NCAPD2: variants seen among roughly 807,000 people sequenced by gnomAD.
NCAPD2 encodes the protein non-SMC condensin I complex subunit D2.
In NCAPD2, 100 loss-of-function variants were observed where a neutral mutation model predicts 164.5. That is an observed-to-expected ratio of 0.61 (90% CI 0.52 to 0.72). NCAPD2 has a LOEUF of 0.72. Among genes scored for constraint, NCAPD2 ranks in the 30% least tolerant of loss-of-function variants. The pLI, the probability that NCAPD2 is intolerant of heterozygous loss-of-function variation, is 0.00. For synonymous variants in NCAPD2, 585 were observed against 642.6 expected (o/e 0.91, Z 1.36); for missense variants, 1,560 against 1,749.2 (o/e 0.89, Z 1.93).
rs1424083804 is a variant in NCAPD2 at position 6,529,872 on chromosome 12, G to C, written c.3751G>C (p.Gly1251Arg). ...RKMLDNFDCF[G>R]DKLSDESIFS... ...GATGCTTGACAATTTTGACTGTTTT[G>C]GAGACAAACTGTCAGATGAGTCCAT... Residue 1251 changes from glycine to arginine, a missense_variant, in exon 29 of 32, where the codon GGA becomes CGA. Transcript: ENST00000315579. 8.1e-6 allele frequency: 13 copies of C among 1,614,260 alleles called. No individual in the cohort carries two copies. Among genetic ancestry groups the C allele is most frequent in the Non-Finnish European group, 1.1e-5 (13 of 1,180,042 alleles).
chr12:6,514,587 G>A lies in NCAPD2; in HGVS notation c.839G>A (p.Arg280Lys). ...GMKSIVGEIV[R>K]EIGQKCPQEL... is the part of the protein sequence containing the mutation. Reference sequence around the variant, plus strand: ...AAGAGCATAGTGGGAGAGATTGTAAGGTGACTCTTCCTTCTCGAAGTTTCT... The same window carrying A: ...AAGAGCATAGTGGGAGAGATTGTAAAGTGACTCTTCCTTCTCGAAGTTTCT... Residue 280 changes from arginine (R) to lysine (K), a missense_variant and splice_region_variant, in exon 8 of 32, where the codon AGA becomes AAA. Physicochemically the swap from Arg to Lys is conservative, Grantham distance 26. Transcript: ENST00000315579. 6.2e-7 allele frequency: 1 copy of A among 1,614,142 alleles called. No homozygotes were observed. Among genetic ancestry groups the A allele is most frequent in the African/African-American group, 1.3e-5 (1 of 75,046 alleles).
rs1055177418 is a variant in NCAPD2, at chr12:6,495,097, G to C, written c.-2G>C. On this transcript the variant is annotated 5_prime_UTR_variant, in exon 2 of 32. Transcript: ENST00000315579. ...CTAGCCCTGTGAGCCTGTAGGAGTA[G>C]AATGGCTCCCCAAATGTATGAGTTC... 1.2e-6 allele frequency: 2 copies of C among 1,613,952 alleles called. No homozygotes were observed. The highest frequency in any genetic ancestry group is 1.7e-6 in the Non-Finnish European group (2 of 1,179,986).
Position 6,514,857 on chromosome 12 carries a change from A to T in NCAPD2, c.924A>T (p.Ala308=), listed in dbSNP as rs1384183854. Residue 308 remains alanine, a synonymous_variant, in exon 9 of 32, where the codon GCA becomes GCT. Coordinates refer to ENST00000315579, the MANE Select transcript of NCAPD2 (RefSeq NM_014865.4). ...KGFAAFLTEL[A]ERVPAILMSS... is the part of the protein sequence containing the mutation. ...TTGCAGCATTCCTGACAGAACTAGC[A>T]GAACGTGTCCCAGCTATCCTGATGT... 1 of 1,614,252 alleles carries T rather than the reference A, an allele frequency of 6.2e-7. No homozygotes were observed. Among genetic ancestry groups the T allele is most frequent in the East Asian group, 2.2e-5 (1 of 44,890 alleles).
intron 2 of NCAPD2, among the ~76,000 whole-genome samples, chr12:6,506,411 A>G (rs1210184647): frequency 6.6e-6 from 1 of 151,658 alleles, no homozygotes; most frequent in East Asian, 1.9e-4. Context: ...ACACCGTGAA[A>G]CCCCGTCTCT....
At chr12:6,512,599 C>T (rs1008775923) in intron 6 of NCAPD2, among the ~76,000 whole-genome samples, 2 of 152,168 alleles carry the variant, frequency 1.3e-5, no homozygotes, top group Non-Finnish European at 2.9e-5. Flanking sequence ...TGTGGGCCAT[C>T]ATGGTGACTT....
Position 6,527,244 on chromosome 12 carries a change from C to A in NCAPD2, c.2907+181C>A, listed in dbSNP as rs114462555. 9.2e-3 allele frequency among the ~76,000 whole-genome samples: 1,403 copies of A among 152,182 alleles called. 19 individuals are homozygous for A. Among genetic ancestry groups the A allele is most frequent in the African/African-American group, 0.032 (1,344 of 41,506 alleles). ...CAATGACGAAACTGTCAGTGATCAC[C>A]CAGGAAGGAAAGATTTAGGTAAATG... is the stretch of plus-strand genomic sequence containing the variant. On this transcript the variant is annotated intron_variant, in intron 22 of 31. Transcript: ENST00000315579.
intron 2 of NCAPD2, among the ~76,000 whole-genome samples, chr12:6,502,660 A>C (rs1946048777): frequency 6.6e-6 from 1 of 152,078 alleles, no homozygotes; most frequent in Admixed American, 6.6e-5. Context: ...AAATTAAGAT[A>C]GATATAAGGC....
chr12:6,509,178 G>T (rs1378786917), intron 2 of NCAPD2, among the ~76,000 whole-genome samples: 1 of 151,974 alleles, frequency 6.6e-6, no homozygotes. Context: ...GCGTGGTACT[G>T]TCTGCTTTTG....
Position 6,499,277 on chromosome 12 carries a change from T to C in NCAPD2, c.127+4052T>C, listed in dbSNP as rs563446009. Among the ~76,000 whole-genome samples, 6 of 152,128 alleles carry C rather than the reference T, an allele frequency of 3.9e-5. No homozygotes were observed. In the East Asian group the frequency reaches 1.2e-3, roughly 29 times the overall value. On this transcript the variant is annotated intron_variant, in intron 2 of 31. Transcript: ENST00000315579. ...ACCAGGCTGGAGTGCAGTGGCTCAATCTCAGCCCACTGCAACCTTCACCTC... is the reference window on the plus strand; with the variant it reads ...ACCAGGCTGGAGTGCAGTGGCTCAACCTCAGCCCACTGCAACCTTCACCTC...
chr12:6,510,678 T>G lies in NCAPD2; in HGVS notation c.312T>G (p.Thr104=). 6 of 1,614,194 alleles carry G rather than the reference T, an allele frequency of 3.7e-6. No homozygotes were observed. Among genetic ancestry groups the G allele is most frequent in the Non-Finnish European group, 5.1e-6 (6 of 1,180,028 alleles). ...TTCCAGCTATCCTGGATGATACAAC[T>G]TTGAGTGGATCAGATAGAAACGCCC... ...QELPAILDDT[T]LSGSDRNAHL... The change falls in exon 5 of 32, where the codon ACT becomes ACG. Residue 104 remains threonine, a synonymous_variant. Coordinates refer to ENST00000315579, the MANE Select transcript of NCAPD2 (RefSeq NM_014865.4).
At chr12:6,523,607 C>T (rs568229630) in intron 17 of NCAPD2, among the ~76,000 whole-genome samples, 6 of 152,132 alleles carry the variant, frequency 3.9e-5, no homozygotes, top group South Asian at 2.1e-4. Context: ...CCATGTTGGC[C>T]GAGCTGGTCT....
At chr12:6,497,357 A>G (rs1416009404) in intron 2 of NCAPD2, among the ~76,000 whole-genome samples, 7 of 151,544 alleles carry the variant, frequency 4.6e-5, no homozygotes, top group Non-Finnish European at 4.4e-5. Flanking sequence ...TTACATAGGT[A>G]AACGTGCTGT....
Position 6,526,201 on chromosome 12 carries a change from G to A in NCAPD2, c.2481+1G>A, listed in dbSNP as rs112246694. On this transcript the variant is annotated splice_donor_variant, in intron 19 of 31. Transcript: ENST00000315579. LOFTEE classifies it high-confidence loss of function. ...TGCCAACATCTCGGACAGGAGAAAG[G>A]TATGTGGGGGTGGTTCCAAACTAAG... 1 of 1,614,170 alleles carries A rather than the reference G, an allele frequency of 6.2e-7. No individual in the cohort carries two copies. Among genetic ancestry groups the A allele is most frequent in the Non-Finnish European group, 8.5e-7 (1 of 1,180,030 alleles).
At position 6,529,866 on chromosome 12, in the gene NCAPD2, T is replaced by A; in HGVS notation, c.3745T>A (p.Cys1249Ser). The change falls in exon 29 of 32, where the codon TGT becomes AGT. Residue 1249 changes from cysteine (C) to serine (S), a missense_variant. Transcript: ENST00000315579. ...GLRKMLDNFD[C>S]FGDKLSDESI... Reference sequence around the variant, plus strand: ...CCGTAAGATGCTTGACAATTTTGACTGTTTTGGAGACAAACTGTCAGATGA... The same window carrying A: ...CCGTAAGATGCTTGACAATTTTGACAGTTTTGGAGACAAACTGTCAGATGA... 1 of 1,614,284 alleles carries A rather than the reference T, an allele frequency of 6.2e-7. No homozygotes were observed. The highest frequency in any genetic ancestry group is 8.5e-7 in the Non-Finnish European group (1 of 1,180,052).
chr12:6,499,872 G>C (rs536806225), intron 2 of NCAPD2, among the ~76,000 whole-genome samples: 36 of 152,042 alleles, frequency 2.4e-4, no homozygotes, highest in Non-Finnish European at 4.9e-4. Flanking sequence ...TGTAATCCTA[G>C]CACTTTGGGA....
rs944657024 is a variant in NCAPD2, at chr12:6,510,017, T to C, written c.204-58T>C. The C allele has an allele frequency of 3.5e-5, 54 of 1,533,534 alleles. No individual in the cohort carries two copies. The Middle Eastern group carries it at 6.7e-4, about 19-fold the overall frequency. The allele number at this position is 1,533,534 out of a possible 1,614,324, so 95.0% of individuals were successfully genotyped here. On this transcript the variant is annotated intron_variant, in intron 3 of 31. Transcript: ENST00000315579. ...ATTCCACGGGTTAGATCTGATCTGT[T>C]AGAAGGGGCTCTGCAGGCTCCTTCC...
chr12:6,528,829 G>C lies in NCAPD2; in HGVS notation c.3450G>C (p.Lys1150Asn), dbSNP rs779063654. ...AGCCTCAGATTGCTGCCCTGGCCAA[G>C]AACTTCTTCAATGAGCTCTCCCACA... ...DPEPQIAALA[K>N]NFFNELSHKG... The change falls in exon 26 of 32, where the codon AAG becomes AAC. Residue 1150 changes from lysine (K) to asparagine (N), a missense_variant. Physicochemically the swap from Lys to Asn is moderately conservative, Grantham distance 94. Coordinates refer to ENST00000315579, the MANE Select transcript of NCAPD2 (RefSeq NM_014865.4). This position sits in a 1 kb window ranked among gnomAD's most constrained non-coding sequence, Gnocchi z 5.1. 18 of 1,613,774 alleles carry C rather than the reference G, an allele frequency of 1.1e-5. No individual in the cohort carries two copies. The East Asian group carries it at 3.6e-4, about 32-fold the overall frequency.
chr12:6,529,333 G>T, intron 27 of NCAPD2, 180 bp from the exon 28 acceptor site: 2 of 642,656 alleles, frequency 3.1e-6, no homozygotes, highest in Admixed American at 2.8e-5. Context: ...TCCTGAGCCG[G>T]GGGCGGGGTG....
At position 6,518,511 on chromosome 12, in the gene NCAPD2, T is replaced by TTTTTTTTTTTTTTTTTTG. The variant is rs1565544141; in HGVS notation, c.1589+569_1589+570insGTTTTTTTTTTTTTTTTT. Among the ~76,000 whole-genome samples the TTTTTTTTTTTTTTTTTTG allele has an allele frequency of 1.9e-4, 19 of 99,856 alleles. 3 individuals are homozygous for TTTTTTTTTTTTTTTTTTG. Among genetic ancestry groups the TTTTTTTTTTTTTTTTTTG allele is most frequent in the Non-Finnish European group, 3.1e-4 (16 of 51,494 alleles). The allele number at this position is 99,856 out of a possible 152,430, so 65.5% of individuals were successfully genotyped here. ...CCTTACAGCCGTCAACAAGTTTTTT[T>TTTTTTTTTTTTTTTTTTG]TTTTTTTTTTTTTTTTTTTTTTTGA... On this transcript the variant is annotated intron_variant, in intron 13 of 31. Coordinates refer to ENST00000315579, the MANE Select transcript of NCAPD2 (RefSeq NM_014865.4).
Sources: allele counts gnomAD v4.1 joint callset (sites outside exome capture counted in the v4.1 genomes callset), GRCh38; gene constraint gnomAD v4.1.1; non-coding constraint Gnocchi (gnomAD v3.1); transcripts MANE v1.5; gene names NCBI Gene and HGNC (gene_info 2026-07-23, HGNC 2026-07-21).